MREG: variants seen among roughly 807,000 people sequenced by gnomAD.
MREG encodes the protein dilute suppressor protein homolog.
MREG carries 31 observed loss-of-function variants against 28.5 expected under a neutral mutation model. The observed-to-expected ratio is 1.09, with a 90% CI of 0.82 to 1.47. The LOEUF is 1.47. Among genes scored for constraint, MREG ranks in the 40% most tolerant of loss-of-function variants. The pLI is 0.00. For missense variants in MREG, 256 were observed against 257.4 expected (o/e 0.99, Z 0.04); for synonymous variants, 106 against 95.2 (o/e 1.11, Z -0.66).
At chr2:215,982,304 G>A (rs189693527) in intron 2 of MREG, among the ~76,000 whole-genome samples, 357 of 149,302 alleles carry the variant, frequency 2.4e-3, no homozygotes, top group African/African-American at 8.1e-3. Flanking sequence ...CTGGGTGACA[G>A]GAGCAAAATT....
intron 2 of MREG, among the ~76,000 whole-genome samples, chr2:215,968,604 T>C (rs1467518317): frequency 6.6e-6 from 1 of 152,202 alleles, no homozygotes; most frequent in Non-Finnish European, 1.5e-5. Flanking sequence ...GCCCAGGGCC[T>C]ACTGATGCAG....
rs1694360429 is a variant in MREG at position 216,013,222 on chromosome 2, G to T, written c.95+11C>A. ...GGTAAGCCCAGATCCCGGCCCGGGC[G>T]GCGCACCCACCTGACGAGGGGCTCC... On this transcript the variant is annotated intron_variant, in intron 1 of 4. Coordinates refer to ENST00000263268, the MANE Select transcript of MREG (RefSeq NM_018000.3). 1 of 1,548,230 alleles carries T rather than the reference G, an allele frequency of 6.5e-7. No homozygotes were observed.
intron 1 of MREG, among the ~76,000 whole-genome samples, chr2:216,030,305 G>T (rs1694660727): frequency 1.3e-5 from 2 of 152,250 alleles, no homozygotes; most frequent in South Asian, 4.1e-4. Flanking sequence ...CAGGGCAGGG[G>T]TCGGGGCTCT....
chr2:215,974,852 A>ACACACT (rs1553550318), intron 2 of MREG, among the ~76,000 whole-genome samples: 21 of 107,594 alleles, frequency 2.0e-4, no homozygotes, highest in East Asian at 2.8e-4. Context: ...ACACACACAC[A>ACACACT]CTCTCTCTCT....
chr2:216,019,570 T>C (rs2105929587), intron 1 of MREG, among the ~76,000 whole-genome samples: 1 of 151,074 alleles, frequency 6.6e-6, no homozygotes, highest in African/African-American at 2.4e-5. Context: ...AGTGACGCAA[T>C]CTCGGCTCAC....
At chr2:216,021,014 G>A (rs193070254) in intron 1 of MREG, among the ~76,000 whole-genome samples, 83 of 152,352 alleles carry the variant, frequency 5.4e-4, no homozygotes, top group African/African-American at 1.9e-3. Context: ...CTCACAGAGC[G>A]ATGATCCTAA....
intron 1 of MREG, among the ~76,000 whole-genome samples, chr2:216,007,188 T>C (rs1482897493): frequency 1.3e-5 from 2 of 152,168 alleles, no homozygotes; most frequent in Non-Finnish European, 2.9e-5. Context: ...AGATTCTGCA[T>C]TTGCAAATTC....
chr2:215,951,206 C>A (rs1177349959), intron 2 of MREG, among the ~76,000 whole-genome samples: 2 of 152,144 alleles, frequency 1.3e-5, no homozygotes, highest in Non-Finnish European at 2.9e-5. Context: ...AGTGTGAGAA[C>A]AAGCTAATAC....
At chr2:215,983,726 G>T (rs923743848) in intron 2 of MREG, among the ~76,000 whole-genome samples, 6 of 152,300 alleles carry the variant, frequency 3.9e-5, no homozygotes, top group African/African-American at 9.6e-5. Flanking sequence ...CTCCCAGGGG[G>T]TTTGGCCAAG....
intron 1 of MREG, among the ~76,000 whole-genome samples, chr2:216,022,290 C>T (rs1559201775): frequency 1.3e-5 from 2 of 152,110 alleles, no homozygotes; most frequent in Non-Finnish European, 1.5e-5. Context: ...CCTCAGAGTA[C>T]TATCCAGAGC....
At chr2:215,946,900 G>A (rs1692337927) in intron 3 of MREG, 123 bp downstream of exon 3, 7 of 649,284 alleles carry the variant, frequency 1.1e-5, no homozygotes, top group Non-Finnish European at 2.7e-6. Flanking sequence ...AGAATAATTA[G>A]TACACAGTAG....
intron 2 of MREG, among the ~76,000 whole-genome samples, chr2:215,954,923 G>A (rs1004446081): frequency 5.9e-5 from 9 of 152,072 alleles, no homozygotes; most frequent in Non-Finnish European, 1.3e-4. Context: ...GGCTGGTCTC[G>A]AACGCCTGAC....
At chr2:215,977,009 G>A (rs933042933) in intron 2 of MREG, among the ~76,000 whole-genome samples, 1 of 152,156 alleles carries the variant, frequency 6.6e-6, no homozygotes, top group African/African-American at 2.4e-5. Flanking sequence ...ATAATGACAG[G>A]ACCAAATTCA....
intron 1 of MREG, among the ~76,000 whole-genome samples, chr2:216,029,063 A>G (rs531379278): frequency 4.6e-5 from 7 of 152,338 alleles, no homozygotes; most frequent in African/African-American, 1.7e-4. Context: ...AGCAATTCCA[A>G]AATAAATACC....
At chr2:215,964,426 G>A (rs922048251) in intron 2 of MREG, among the ~76,000 whole-genome samples, 1 of 152,110 alleles carries the variant, frequency 6.6e-6, no homozygotes, top group East Asian at 1.9e-4. Flanking sequence ...GGAGGTTGCA[G>A]TGAGCCAAGA....
rs1301364931 is a variant in MREG at position 215,976,223 on chromosome 2, T to C, written c.255+20083A>G. Among the ~76,000 whole-genome samples the C allele has an allele frequency of 1.1e-4, 16 of 152,326 alleles. No homozygotes were observed. In the East Asian group the frequency reaches 1.3e-3, roughly 13 times the overall value. ...CACTCGGACTACAATTTCTTGAAAC[T>C]CTACCTTCCATTCTATCCCATGCAT... On this transcript the variant is annotated intron_variant, in intron 2 of 4. Transcript: ENST00000263268.
In MREG at chr2:215,984,725, C is replaced by A. The variant is rs181097256; in HGVS notation, c.255+11581G>T. ...TAAAACAGAAGCCCAGGAAATAAGT[C>A]TTAACAAGCTGCAATCACCATGGAA... is the stretch of plus-strand genomic sequence containing the variant. On this transcript the variant is annotated intron_variant, in intron 2 of 4. Transcript: ENST00000263268. Among the ~76,000 whole-genome samples, 371 of 152,130 alleles carry A rather than the reference C, an allele frequency of 2.4e-3. 2 individuals carry two copies. The highest frequency in any genetic ancestry group is 3.4e-3 in the Non-Finnish European group (230 of 68,016).
chr2:215,949,646 A>G (rs372810586), intron 2 of MREG, among the ~76,000 whole-genome samples: 1 of 152,048 alleles, frequency 6.6e-6, no homozygotes, highest in East Asian at 1.9e-4. Flanking sequence ...TGCAGTATGC[A>G]ATTTGTGAGG....
chr2:216,006,387 C>G (rs935681890), intron 1 of MREG, among the ~76,000 whole-genome samples: 2 of 152,254 alleles, frequency 1.3e-5, no homozygotes, highest in East Asian at 1.9e-4. Context: ...CCCTATCACT[C>G]CCCTGTCTTT....
Sources: allele counts gnomAD v4.1 joint callset (sites outside exome capture counted in the v4.1 genomes callset), GRCh38; gene constraint gnomAD v4.1.1; transcripts MANE v1.5; gene names NCBI Gene and HGNC (gene_info 2026-07-23, HGNC 2026-07-21).